Variants in PRKCE observed in about 807,000 individuals in gnomAD.
The protein encoded by PRKCE is protein kinase C epsilon.
Under a neutral mutation model 85.4 loss-of-function variants are expected in PRKCE, and 16 were observed. The ratio of observed to expected loss-of-function variants is 0.19; its 90% CI spans 0.13 to 0.28. The LOEUF is 0.28. Ranked by LOEUF, PRKCE falls within the 10% of genes least tolerant of loss-of-function variation. The pLI is 1.00. For synonymous variants in PRKCE, 388 were observed against 371.5 expected (o/e 1.04, Z -0.51); for missense variants, 573 against 975.2 (o/e 0.59, Z 5.49).
chr2:46,074,539 G>C (rs1042373930), intron 10 of PRKCE, among the ~76,000 whole-genome samples: 7 of 152,026 alleles, frequency 4.6e-5, no homozygotes, highest in Admixed American at 3.3e-4. Flanking sequence ...CCTACCCCAG[G>C]ACTGCAGGTT....
At chr2:45,851,150 T>C (rs931678367) in intron 2 of PRKCE, among the ~76,000 whole-genome samples, 1 of 152,134 alleles carries the variant, frequency 6.6e-6, no homozygotes, top group Non-Finnish European at 1.5e-5. Context: ...ATGGCAACCC[T>C]GAAATGCAGG....
At position 45,651,799 on chromosome 2, in the gene PRKCE, C is replaced by G. The variant is rs1417773006; in HGVS notation, c.-302C>G. 2 of 255,474 alleles carry G rather than the reference C, an allele frequency of 7.8e-6. No homozygotes were observed. The highest frequency in any genetic ancestry group is 1.5e-5 in the Non-Finnish European group (2 of 133,514). The allele number at this position is 255,474 out of a possible 1,614,324, so 15.8% of individuals were successfully genotyped here. ...CAGCCCCCGCGGCTTGCAGCGGAGC[C>G]GACAGCTCGTCTTCTCTTCTGGAGG... On this transcript the variant is annotated 5_prime_UTR_variant, in exon 1 of 15. Transcript: ENST00000306156.
intron 14 of PRKCE, among the ~76,000 whole-genome samples, chr2:46,174,446 G>A (rs1679220373): frequency 6.6e-6 from 1 of 152,218 alleles, no homozygotes; most frequent in East Asian, 1.9e-4. Context: ...GAATTAGTAG[G>A]CAACATTTAA....
At chr2:45,912,147 C>A (rs1697426843) in intron 2 of PRKCE, among the ~76,000 whole-genome samples, 1 of 152,026 alleles carries the variant, frequency 6.6e-6, no homozygotes, top group Admixed American at 6.6e-5. Context: ...AAGAACAATA[C>A]CAGGAACGAT....
intron 11 of PRKCE, among the ~76,000 whole-genome samples, chr2:46,132,424 T>C (rs1674553776): frequency 6.6e-6 from 1 of 152,168 alleles, no homozygotes. Context: ...GCTATCCTCC[T>C]GCCTCCCTCC....
chr2:45,897,349 C>G (rs893022516), intron 2 of PRKCE, among the ~76,000 whole-genome samples: 1 of 152,176 alleles, frequency 6.6e-6, no homozygotes. Context: ...CAGGACACAG[C>G]CTGGTAATCA....
At chr2:45,878,019 T>C (rs749538409) in intron 2 of PRKCE, among the ~76,000 whole-genome samples, 4 of 152,236 alleles carry the variant, frequency 2.6e-5, no homozygotes, top group Non-Finnish European at 5.9e-5. Context: ...TTGCTTTTCT[T>C]CCCTGCTATT....
intron 1 of PRKCE, among the ~76,000 whole-genome samples, chr2:45,753,184 T>G (rs1009274421): frequency 1.3e-5 from 2 of 152,130 alleles, no homozygotes; most frequent in African/African-American, 4.8e-5. Context: ...GCCTCAGAAC[T>G]ACCTGAAGCC....
chr2:45,914,417 C>A (rs958432267), intron 2 of PRKCE, among the ~76,000 whole-genome samples: 1 of 152,164 alleles, frequency 6.6e-6, no homozygotes, highest in Non-Finnish European at 1.5e-5. Context: ...CTCCCTGGGT[C>A]TGGAGCTCAG....
intron 1 of PRKCE, among the ~76,000 whole-genome samples, chr2:45,708,165 A>C (rs1460535258): frequency 7.6e-6 from 1 of 130,750 alleles, no homozygotes; most frequent in Non-Finnish European, 1.6e-5. Flanking sequence ...ATTTCCTTTA[A>C]TGTCTTCCTG....
At chr2:46,026,255 T>G (rs1162680333) in intron 10 of PRKCE, among the ~76,000 whole-genome samples, 1 of 152,082 alleles carries the variant, frequency 6.6e-6, no homozygotes, top group African/African-American at 2.4e-5. Flanking sequence ...AGTTAGAGGG[T>G]ATAAAAGCTA....
chr2:45,670,676 A>G (rs1336331429), intron 1 of PRKCE, among the ~76,000 whole-genome samples: 1 of 152,244 alleles, frequency 6.6e-6, no homozygotes, highest in Non-Finnish European at 1.5e-5. Context: ...CCTGCACTCA[A>G]TAAACTTACA....
chr2:45,708,055 T>C (rs1679266481), intron 1 of PRKCE, among the ~76,000 whole-genome samples: 3 of 152,248 alleles, frequency 2.0e-5, no homozygotes, highest in Admixed American at 2.0e-4. Flanking sequence ...TGCAGGGTGC[T>C]GCACATGTTT....
intron 1 of PRKCE, among the ~76,000 whole-genome samples, chr2:45,673,550 C>G (rs3731950): frequency 0.015 from 2,249 of 152,266 alleles, 39 homozygotes; most frequent in East Asian, 0.045. Context: ...GTTAATACGA[C>G]ATATTTAGGG....
At chr2:45,993,365 T>C (rs997941166) in intron 6 of PRKCE, among the ~76,000 whole-genome samples, 2 of 152,208 alleles carry the variant, frequency 1.3e-5, no homozygotes, top group Admixed American at 1.3e-4. Flanking sequence ...TCCAGACTTT[T>C]CAAAGCACTT....
chr2:45,761,278 G>GATCACACC (rs1285640213), intron 1 of PRKCE, among the ~76,000 whole-genome samples: 4 of 121,432 alleles, frequency 3.3e-5, no homozygotes, highest in African/African-American at 1.3e-4. Context: ...AGTAAGCCGA[G>GATCACACC]ATCACACCAC....
At chr2:45,925,251 T>C (rs185832791) in intron 2 of PRKCE, among the ~76,000 whole-genome samples, 1 of 152,264 alleles carries the variant, frequency 6.6e-6, no homozygotes, top group African/African-American at 2.4e-5. Flanking sequence ...AAGCATATTA[T>C]CCTGATAACT....
chr2:46,070,170 A>G (rs1186160738), intron 10 of PRKCE, among the ~76,000 whole-genome samples: 1 of 152,252 alleles, frequency 6.6e-6, no homozygotes, highest in Non-Finnish European at 1.5e-5. Flanking sequence ...AAAGAAGGCA[A>G]GGGTCCTTTG....
chr2:45,879,649 G>T (rs1230879812), intron 2 of PRKCE, among the ~76,000 whole-genome samples: 1 of 152,180 alleles, frequency 6.6e-6, no homozygotes, highest in Non-Finnish European at 1.5e-5. Context: ...ACTTGCTCTG[G>T]CTCATGAACC....
Sources: allele counts gnomAD v4.1 joint callset (sites outside exome capture counted in the v4.1 genomes callset), GRCh38; gene constraint gnomAD v4.1.1; transcripts MANE v1.5; gene names NCBI Gene and HGNC (gene_info 2026-07-23, HGNC 2026-07-21).